The following SH3BP4 variants were observed in gnomAD, a reference collection of about 807,000 sequenced individuals.
SH3BP4 encodes the protein SH3 domain-binding protein 4.
SH3BP4 carries 33 observed loss-of-function variants against 65.5 expected under a neutral mutation model. That is an observed-to-expected ratio of 0.50 (90% CI 0.38 to 0.67). The LOEUF (loss-of-function observed/expected upper bound fraction) is 0.67. Ranked by LOEUF, SH3BP4 falls within the 30% of genes least tolerant of loss-of-function variation. The pLI is 0.00. For synonymous variants in SH3BP4, 552 were observed against 545.5 expected (o/e 1.01, Z -0.17); for missense variants, 1,134 against 1,261.4 (o/e 0.90, Z 1.53).
intron 1 of SH3BP4, among the ~76,000 whole-genome samples, chr2:234,965,590 G>T (rs1381393400): frequency 6.6e-6 from 1 of 152,198 alleles, no homozygotes; most frequent in Admixed American, 6.5e-5. Context: ...TGAAAAGCTG[G>T]GAGATGATGT....
rs888807157 is a variant in SH3BP4 at position 235,034,460 on chromosome 2, G to A, written c.-132-411G>A. 2.0e-5 allele frequency among the ~76,000 whole-genome samples: 3 copies of A among 152,160 alleles called. No homozygotes were observed. The highest frequency in any genetic ancestry group is 7.2e-5 in the African/African-American group (3 of 41,446). The stretch of plus-strand genomic sequence containing the variant: ...GATGACTGCCCCTGCGCTGGGATCA[G>A]CCACTCTGAACAAGCAGAGGCCGAT... On this transcript the variant is annotated intron_variant, in intron 2 of 5. Coordinates refer to ENST00000392011, the MANE Select transcript of SH3BP4 (RefSeq NM_014521.3). The surrounding 1 kb of genome is among the most constrained non-coding windows in gnomAD (Gnocchi z 6.2).
intron 3 of SH3BP4, among the ~76,000 whole-genome samples, chr2:235,037,470 C>G (rs904099328): frequency 2.6e-5 from 4 of 152,150 alleles, no homozygotes. Flanking sequence ...TAAGTAAAAC[C>G]ATTCTTATTC....
At chr2:235,023,256 G>T (rs1694897942) in intron 2 of SH3BP4, among the ~76,000 whole-genome samples, 1 of 152,106 alleles carries the variant, frequency 6.6e-6, no homozygotes, top group Non-Finnish European at 1.5e-5. Flanking sequence ...GAATAATAAT[G>T]GGAATTCAGG....
chr2:235,037,571 A>G (rs970564592), intron 3 of SH3BP4, among the ~76,000 whole-genome samples: 1 of 152,208 alleles, frequency 6.6e-6, no homozygotes, highest in Non-Finnish European at 1.5e-5. Context: ...CTTAATTTTG[A>G]AACTACTGTA....
At chr2:234,985,736 C>T (rs918520825) in intron 1 of SH3BP4, among the ~76,000 whole-genome samples, 8 of 151,392 alleles carry the variant, frequency 5.3e-5, no homozygotes, top group African/African-American at 7.3e-5. Context: ...AGGGACTGTG[C>T]GCAGGTGAAC....
chr2:235,037,171 T>A (rs1009094719), intron 3 of SH3BP4, among the ~76,000 whole-genome samples: 123 of 152,314 alleles, frequency 8.1e-4, no homozygotes, highest in Non-Finnish European at 2.5e-4. Flanking sequence ...GAGATTTTTG[T>A]ATTAAAATCA....
chr2:235,045,757 C>A lies in SH3BP4; in HGVS notation c.2478+2510C>A, dbSNP rs558651143. ...CATCACAGGGCTGCCACGATTTCTGCGGCCTCTGCCACCGCTTTACCTGCC... is the reference window on the plus strand; with the variant it reads ...CATCACAGGGCTGCCACGATTTCTGAGGCCTCTGCCACCGCTTTACCTGCC... On this transcript the variant is annotated intron_variant, in intron 4 of 5. Coordinates refer to ENST00000392011, the MANE Select transcript of SH3BP4 (RefSeq NM_014521.3). The surrounding 1 kb of genome is among the most constrained non-coding windows in gnomAD (Gnocchi z 4.3). Among the ~76,000 whole-genome samples the A allele has an allele frequency of 6.6e-6, 1 of 152,142 alleles. No individual in the cohort carries two copies. Among genetic ancestry groups the A allele is most frequent in the Non-Finnish European group, 1.5e-5 (1 of 68,028 alleles).
In SH3BP4 at chr2:235,052,661, C is replaced by G; in HGVS notation, c.2578C>G (p.Leu860Val). 4 of 1,594,538 alleles carry G rather than the reference C, an allele frequency of 2.5e-6. No homozygotes were observed. The highest frequency in any genetic ancestry group is 2.6e-6 in the Non-Finnish European group (3 of 1,171,240). ...AGAGGTGGCCCAGCGCTGGCGGGAGCTGGCTGAGAAGCTGGCCAAGGTCTC... is the reference window on the plus strand; with the variant it reads ...AGAGGTGGCCCAGCGCTGGCGGGAGGTGGCTGAGAAGCTGGCCAAGGTCTC... ...AVEVAQRWRE[L>V]AEKLAKVSKQ... Residue 860 changes from leucine (L) to valine (V), a missense_variant, in exon 5 of 6, where the codon CTG (leucine) becomes GTG (valine). Physicochemically the swap from Leu to Val is conservative, Grantham distance 32. Transcript: ENST00000392011. The surrounding 1 kb of genome is among the most constrained non-coding windows in gnomAD (Gnocchi z 5.0).
intron 2 of SH3BP4, among the ~76,000 whole-genome samples, chr2:235,027,165 G>C (rs10199034): frequency 0.34 from 52,021 of 152,214 alleles, 10,281 homozygotes; most frequent in African/African-American, 0.55. Flanking sequence ...AGCATCCTGG[G>C]AGGGACACCA....
In SH3BP4 at chr2:235,030,846, G is replaced by A. The variant is rs1401205679; in HGVS notation, c.-132-4025G>A. Among the ~76,000 whole-genome samples the A allele has an allele frequency of 1.3e-5, 2 of 152,182 alleles. No homozygotes were observed. The highest frequency in any genetic ancestry group is 4.8e-5 in the African/African-American group (2 of 41,444). On this transcript the variant is annotated intron_variant, in intron 2 of 5. Transcript: ENST00000392011. This position sits in a 1 kb window ranked among gnomAD's most constrained non-coding sequence, Gnocchi z 4.1. Reference sequence around the variant, plus strand: ...CCACCTGCTCAGGAAGGTTTTGGGAGTGGAGAGCCCTCTGCACTCAGTCCA... The same window carrying A: ...CCACCTGCTCAGGAAGGTTTTGGGAATGGAGAGCCCTCTGCACTCAGTCCA...
chr2:235,051,680 A>G (rs977417104), intron 4 of SH3BP4, among the ~76,000 whole-genome samples: 1 of 151,502 alleles, frequency 6.6e-6, no homozygotes. Context: ...TTGGTGGTAC[A>G]CCCTGTCTCT....
chr2:235,028,027 C>A (rs1695058719), intron 2 of SH3BP4, among the ~76,000 whole-genome samples: 2 of 152,212 alleles, frequency 1.3e-5, no homozygotes, highest in Admixed American at 6.5e-5. Context: ...GTCAGTGATT[C>A]CTTCTGTATG....
rs1374367431 is a variant in SH3BP4 at position 235,043,324 on chromosome 2, C to T, written c.2478+77C>T. 4.1e-6 allele frequency: 5 copies of T among 1,205,070 alleles called. No individual in the cohort carries two copies. The African/African-American group carries it at 4.6e-5, about 11-fold the overall frequency. The allele number at this position is 1,205,070 out of a possible 1,614,324, so 74.6% of individuals were successfully genotyped here. On this transcript the variant is annotated intron_variant, in intron 4 of 5. Transcript: ENST00000392011. Reference sequence around the variant, plus strand: ...TTTCCGCCTTCCCAGTGCACATGGGCGTGGGCCGTGGTGTCGTAAGTCACC... The same window carrying T: ...TTTCCGCCTTCCCAGTGCACATGGGTGTGGGCCGTGGTGTCGTAAGTCACC...
At chr2:235,012,970 C>T (rs557654587) in intron 2 of SH3BP4, among the ~76,000 whole-genome samples, 15 of 152,306 alleles carry the variant, frequency 9.8e-5, no homozygotes, top group East Asian at 7.7e-4. Context: ...GGCCGGACGC[C>T]GAATGTGCAC....
chr2:235,042,465 C>T lies in SH3BP4; in HGVS notation c.1696C>T (p.Leu566=). The change falls in exon 4 of 6, where the codon CTG becomes TTG. Residue 566 remains leucine (L), a synonymous_variant. Transcript: ENST00000392011. The surrounding 1 kb of genome is among the most constrained non-coding windows in gnomAD (Gnocchi z 7.3). The part of the protein sequence containing the change: ...AKVVRGFQLK[L]GKVSRLIFPI... The stretch of plus-strand genomic sequence containing the variant: ...AGTGGTGCGAGGATTCCAGCTGAAG[C>T]TGGGCAAGGTGAGCCGCCTGATCTT... 1 of 1,614,194 alleles carries T rather than the reference C, an allele frequency of 6.2e-7. No homozygotes were observed. The highest frequency in any genetic ancestry group is 8.5e-7 in the Non-Finnish European group (1 of 1,180,028).
rs1164845140 is a variant in SH3BP4, at chr2:235,043,229, C to T, written c.2460C>T (p.Phe820=). The T allele has an allele frequency of 6.4e-7, 1 of 1,574,544 alleles. No individual in the cohort carries two copies. Among genetic ancestry groups the T allele is most frequent in the South Asian group, 1.2e-5 (1 of 86,784 alleles). ...CTGAGAACAAAGAACGGAAGTCCTT[C>T]CAGAAGGAGCTTGTGATGGTGAGTG... ...NNTENKERKS[F]QKELVMALLK... is the part of the protein sequence containing the mutation. Residue 820 remains phenylalanine (F), a synonymous_variant, in exon 4 of 6, where the codon TTC becomes TTT. Coordinates refer to ENST00000392011, the MANE Select transcript of SH3BP4 (RefSeq NM_014521.3).
intron 1 of SH3BP4, among the ~76,000 whole-genome samples, chr2:234,980,165 C>T (rs933137467): frequency 3.3e-5 from 5 of 152,090 alleles, no homozygotes; most frequent in African/African-American, 4.8e-5. Context: ...TGTAAGTAGT[C>T]CCCCCCTTAT....
At chr2:234,955,960 A>G (rs1264917897) in intron 1 of SH3BP4, among the ~76,000 whole-genome samples, 2 of 152,176 alleles carry the variant, frequency 1.3e-5, no homozygotes, top group African/African-American at 4.8e-5. Flanking sequence ...TCGTCATCAC[A>G]TCTCCCGGGG....
intron 1 of SH3BP4, among the ~76,000 whole-genome samples, chr2:234,968,444 G>A (rs529205156): frequency 1.4e-5 from 2 of 143,826 alleles, no homozygotes; most frequent in South Asian, 4.6e-4. Context: ...TTATTGCATT[G>A]GGGCCAGGTG....
Sources: gnomAD v4.1 joint callset for allele counts (sites outside exome capture counted in the v4.1 genomes callset) on GRCh38, gnomAD v4.1.1 for gene constraint, Gnocchi (gnomAD v3.1) non-coding constraint, MANE v1.5 for transcripts, NCBI Gene and HGNC (gene_info 2026-07-23, HGNC 2026-07-21) for gene names.